XKR9: variants seen among roughly 807,000 people sequenced by gnomAD.
XKR9 encodes XK related 9.
Under a neutral mutation model 32.0 loss-of-function variants are expected in XKR9, and 32 were observed. The ratio of observed to expected loss-of-function variants is 1.00; its 90% CI spans 0.76 to 1.34. XKR9 has a LOEUF of 1.34. Among genes scored for constraint, XKR9 ranks in the 40% most tolerant of loss-of-function variants. The pLI is 0.00. For missense variants in XKR9, 546 were observed against 429.7 expected (o/e 1.27, Z -2.39); for synonymous variants, 168 against 143.4 (o/e 1.17, Z -1.22).
At chr8:71,011,116 T>C in the XKR9 span, among the ~76,000 whole-genome samples, 1 of 152,180 alleles carries the variant, frequency 6.6e-6, no homozygotes, top group African/African-American at 2.4e-5. Flanking sequence ...CTGTGTTTGA[T>C]CAAAATGATC....
chr8:70,871,691 T>G, the XKR9 span, among the ~76,000 whole-genome samples: 1 of 152,126 alleles, frequency 6.6e-6, no homozygotes, highest in Non-Finnish European at 1.5e-5. Flanking sequence ...GACACAACAG[T>G]ATTGAAATTA....
intron 2 of XKR9, among the ~76,000 whole-genome samples, chr8:70,741,128 C>T (rs552426509): frequency 3.9e-5 from 6 of 152,342 alleles, no homozygotes; most frequent in African/African-American, 7.2e-5. Flanking sequence ...CCACCCAGTT[C>T]GAGCATCTGG....
chr8:70,814,911 G>T, the XKR9 span, among the ~76,000 whole-genome samples: 6 of 152,142 alleles, frequency 3.9e-5, no homozygotes, highest in African/African-American at 1.4e-4. Context: ...GTATATAAAA[G>T]CAGTGTTCCA....
chr8:70,834,752 A>G, the XKR9 span, among the ~76,000 whole-genome samples: 1 of 152,190 alleles, frequency 6.6e-6, no homozygotes, highest in Admixed American at 6.6e-5. Context: ...TACACAATGA[A>G]GTAGAGTTCA....
chr8:70,761,988 G>A (rs752175278), intron 2 of XKR9, among the ~76,000 whole-genome samples: 1 of 152,010 alleles, frequency 6.6e-6, no homozygotes, highest in Non-Finnish European at 1.5e-5. Flanking sequence ...TGTCAGGTTT[G>A]TTGAAGATCA....
the XKR9 span, among the ~76,000 whole-genome samples, chr8:70,846,972 T>G: frequency 6.6e-6 from 1 of 152,078 alleles, no homozygotes; most frequent in Non-Finnish European, 1.5e-5. Context: ...GGATTTTAAC[T>G]GTACTTTACA....
chr8:70,928,237 G>A, the XKR9 span, among the ~76,000 whole-genome samples: 2 of 152,042 alleles, frequency 1.3e-5, no homozygotes, highest in Non-Finnish European at 2.9e-5. Flanking sequence ...TAGAGATGGG[G>A]TCTTGCTCTG....
At chr8:70,980,876 A>G in the XKR9 span, among the ~76,000 whole-genome samples, 1 of 152,210 alleles carries the variant, frequency 6.6e-6, no homozygotes, top group Non-Finnish European at 1.5e-5. Context: ...GAAAAAGACC[A>G]TGTTTTTCCT....
chr8:70,984,617 A>G, the XKR9 span, among the ~76,000 whole-genome samples: 4 of 152,218 alleles, frequency 2.6e-5, no homozygotes, highest in African/African-American at 9.7e-5. Context: ...GCAAAGGGAA[A>G]AAAGGTAAAA....
the XKR9 span, among the ~76,000 whole-genome samples, chr8:70,809,157 C>A: frequency 6.6e-6 from 1 of 152,184 alleles, no homozygotes; most frequent in Non-Finnish European, 1.5e-5. Context: ...TGTTCTGCAG[C>A]CACTGCTGCT....
At chr8:70,959,045 CTTCTT>C in the XKR9 span, among the ~76,000 whole-genome samples, 3 of 151,640 alleles carry the variant, frequency 2.0e-5, no homozygotes, top group Non-Finnish European at 2.9e-5. Context: ...TCGAATTATC[CTTCTT>C]TTAAGTATAC....
At chr8:70,800,437 G>A in the XKR9 span, among the ~76,000 whole-genome samples, 17,442 of 152,142 alleles carry the variant, frequency 0.11, 1,175 homozygotes, top group African/African-American at 0.19. Flanking sequence ...AGGAGGAAAG[G>A]TAGCAGCTCT....
At chr8:70,857,430 G>A in the XKR9 span, among the ~76,000 whole-genome samples, 9 of 152,304 alleles carry the variant, frequency 5.9e-5, no homozygotes, top group Non-Finnish European at 8.8e-5. Flanking sequence ...CCAGGAAGAA[G>A]TTGAATCTGA....
intron 3 of XKR9, among the ~76,000 whole-genome samples, chr8:70,703,062 G>A (rs1805595188): frequency 6.6e-6 from 1 of 151,940 alleles, no homozygotes; most frequent in African/African-American, 2.4e-5. Context: ...CCTATGTATG[G>A]TGTTTGGGTA....
At chr8:70,801,202 A>G in the XKR9 span, among the ~76,000 whole-genome samples, 1 of 152,014 alleles carries the variant, frequency 6.6e-6, no homozygotes, top group Admixed American at 6.6e-5. Flanking sequence ...GTCTTTTGCT[A>G]CCTTTGGAGT....
the XKR9 span, among the ~76,000 whole-genome samples, chr8:70,929,991 G>T: frequency 6.6e-6 from 1 of 152,150 alleles, no homozygotes; most frequent in Non-Finnish European, 1.5e-5. Flanking sequence ...ACCTTCTTCA[G>T]ATTTCCAATG....
chr8:70,872,380 G>T, the XKR9 span, among the ~76,000 whole-genome samples: 1 of 152,190 alleles, frequency 6.6e-6, no homozygotes, highest in Admixed American at 6.5e-5. Flanking sequence ...GCTAGCAGAG[G>T]TTGGTTCATA....
chr8:70,713,297 G>T (rs1391114801), intron 4 of XKR9, among the ~76,000 whole-genome samples: 1 of 152,032 alleles, frequency 6.6e-6, no homozygotes, highest in Admixed American at 6.6e-5. Flanking sequence ...GAGAGATAGG[G>T]TGAGAACATC....
chr8:70,975,522 T>C, the XKR9 span, among the ~76,000 whole-genome samples: 1 of 152,336 alleles, frequency 6.6e-6, no homozygotes, highest in Middle Eastern at 3.4e-3. Flanking sequence ...TGCTTGTTTT[T>C]GTCAGGTTTG....
Sources: gnomAD v4.1 joint callset for allele counts (sites outside exome capture counted in the v4.1 genomes callset) on GRCh38, gnomAD v4.1.1 for gene constraint, MANE v1.5 for transcripts, NCBI Gene and HGNC (gene_info 2026-07-23, HGNC 2026-07-21) for gene names.